The following IGF2BP3 variants were observed in gnomAD, a reference collection of about 807,000 sequenced individuals.
The protein encoded by IGF2BP3 is insulin-like growth factor 2 mRNA-binding protein 3.
Under a neutral mutation model 73.8 loss-of-function variants are expected in IGF2BP3, and 9 were observed. The observed-to-expected ratio is 0.12, with a 90% CI of 0.07 to 0.21. The LOEUF (loss-of-function observed/expected upper bound fraction) is 0.21, where lower values mean the gene tolerates loss of function less well. Ranked by LOEUF, IGF2BP3 falls within the 10% of genes least tolerant of loss-of-function variation. The probability of loss-of-function intolerance (pLI) is 1.00; values close to 1 mark genes in which losing one functional copy is unlikely to be tolerated. For synonymous variants in IGF2BP3, 258 were observed against 256.7 expected (o/e 1.01, Z -0.05); for missense variants, 542 against 714.0 (o/e 0.76, Z 2.75).
chr7:23,436,709 A>G (rs1354570884), intron 2 of IGF2BP3, among the ~76,000 whole-genome samples: 2 of 152,250 alleles, frequency 1.3e-5, no homozygotes, highest in African/African-American at 2.4e-5. Flanking sequence ...CTATACCACA[A>G]AAAAACTAGA....
At chr7:23,332,988 A>T (rs1221315973) in intron 10 of IGF2BP3, among the ~76,000 whole-genome samples, 1 of 152,212 alleles carries the variant, frequency 6.6e-6, no homozygotes, top group African/African-American at 2.4e-5. Context: ...GGTCAAACTA[A>T]ACCTAATGTG....
At chr7:23,388,079 T>C (rs982202298) in intron 3 of IGF2BP3, among the ~76,000 whole-genome samples, 4 of 152,132 alleles carry the variant, frequency 2.6e-5, no homozygotes, top group African/African-American at 9.7e-5. Flanking sequence ...TAGCTGGGAC[T>C]ACAGGTGCCC....
intron 5 of IGF2BP3, among the ~76,000 whole-genome samples, chr7:23,360,471 A>G (rs543317484): frequency 2.7e-4 from 41 of 152,344 alleles, no homozygotes; most frequent in African/African-American, 8.9e-4. Context: ...CTCCCAAGAG[A>G]TAAGGTAGTT....
rs1177841753 is a variant in IGF2BP3, at chr7:23,310,811, T to C, written c.*1551A>G. ...GTGATTTTTTTTTTAAAGGGTTATA[T>C]ATATGTCCTTTAGATCAGTGTAACA... On this transcript the variant is annotated 3_prime_UTR_variant, in exon 15 of 15. Coordinates refer to ENST00000258729, the MANE Select transcript of IGF2BP3 (RefSeq NM_006547.3). The C allele has an allele frequency of 1.3e-5, 2 of 152,126 alleles. No individual in the cohort carries two copies. Among genetic ancestry groups the C allele is most frequent in the East Asian group, 3.8e-4 (2 of 5,196 alleles). The allele number at this position is 152,126 out of a possible 1,614,324, so 9.4% of individuals were successfully genotyped here.
chr7:23,377,123 G>A (rs965465808), intron 3 of IGF2BP3, among the ~76,000 whole-genome samples: 2 of 151,896 alleles, frequency 1.3e-5, no homozygotes, highest in African/African-American at 2.4e-5. Context: ...AAAAAACTGT[G>A]CTAAAAAGAA....
intron 3 of IGF2BP3, among the ~76,000 whole-genome samples, chr7:23,401,423 C>G (rs1002606683): frequency 6.6e-6 from 1 of 152,128 alleles, no homozygotes; most frequent in Non-Finnish European, 1.5e-5. Context: ...CATTCAAACT[C>G]ACAGTACAAA....
chr7:23,423,047 T>C (rs912690269), intron 2 of IGF2BP3, among the ~76,000 whole-genome samples: 22 of 152,246 alleles, frequency 1.4e-4, no homozygotes, highest in Admixed American at 3.3e-4. Context: ...AGTGCTGGGA[T>C]TGCAGGCGTG....
chr7:23,435,659 T>C (rs1471288536), intron 2 of IGF2BP3, among the ~76,000 whole-genome samples: 1 of 152,274 alleles, frequency 6.6e-6, no homozygotes, highest in Non-Finnish European at 1.5e-5. Flanking sequence ...GGTTTCACCA[T>C]GTTGGCCAGG....
At chr7:23,369,684 T>C (rs1424287896) in intron 3 of IGF2BP3, among the ~76,000 whole-genome samples, 1 of 151,906 alleles carries the variant, frequency 6.6e-6, no homozygotes, top group Non-Finnish European at 1.5e-5. Flanking sequence ...TTCAATCTAG[T>C]AGCCTAGTTT....
chr7:23,387,508 T>G (rs1398228258), intron 3 of IGF2BP3, among the ~76,000 whole-genome samples: 1 of 149,508 alleles, frequency 6.7e-6, no homozygotes, highest in Non-Finnish European at 1.5e-5. Flanking sequence ...TTTGGTTCTT[T>G]AATTGTGACA....
intron 3 of IGF2BP3, among the ~76,000 whole-genome samples, chr7:23,395,645 G>A (rs892381209): frequency 2.0e-5 from 3 of 151,500 alleles, no homozygotes; most frequent in Non-Finnish European, 4.4e-5. Flanking sequence ...AAACCAACAG[G>A]CCAGGCACAG....
intron 2 of IGF2BP3, among the ~76,000 whole-genome samples, chr7:23,445,493 G>T (rs1007454825): frequency 1.3e-5 from 2 of 151,520 alleles, no homozygotes; most frequent in Non-Finnish European, 2.9e-5. Context: ...ATACACTATA[G>T]AGTATTACTT....
intron 2 of IGF2BP3, among the ~76,000 whole-genome samples, chr7:23,432,319 T>C (rs1787703974): frequency 6.6e-6 from 1 of 152,230 alleles, no homozygotes; most frequent in Non-Finnish European, 1.5e-5. Context: ...TGCTATGTCT[T>C]TCTTTTAGAA....
chr7:23,317,635 A>G lies in IGF2BP3; in HGVS notation c.1395+4T>C, dbSNP rs1378268314. Reference sequence around the variant, plus strand: ...GGACATAGCACATACTCTAGAGCACATACCTTGAACTGAGCCTCTGGTGGT... The same window carrying G: ...GGACATAGCACATACTCTAGAGCACGTACCTTGAACTGAGCCTCTGGTGGT... On this transcript the variant is annotated splice_donor_region_variant and intron_variant, in intron 12 of 14. Coordinates refer to ENST00000258729, the MANE Select transcript of IGF2BP3 (RefSeq NM_006547.3). 1 of 1,613,136 alleles carries G rather than the reference A, an allele frequency of 6.2e-7. No homozygotes were observed. The highest frequency in any genetic ancestry group is 2.2e-5 in the East Asian group (1 of 44,884).
intron 2 of IGF2BP3, among the ~76,000 whole-genome samples, chr7:23,422,732 C>T (rs987320130): frequency 6.6e-6 from 1 of 152,182 alleles, no homozygotes; most frequent in Non-Finnish European, 1.5e-5. Flanking sequence ...ATGGTTTTCT[C>T]GTTTCCCTTA....
intron 2 of IGF2BP3, among the ~76,000 whole-genome samples, chr7:23,423,874 C>T (rs1787422142): frequency 6.6e-6 from 1 of 152,120 alleles, no homozygotes; most frequent in South Asian, 2.1e-4. Flanking sequence ...AATCCCAGCA[C>T]TTTGGGAGGC....
chr7:23,421,566 C>T (rs1787348960), intron 2 of IGF2BP3, among the ~76,000 whole-genome samples: 1 of 150,868 alleles, frequency 6.6e-6, no homozygotes, highest in Non-Finnish European at 1.5e-5. Context: ...GTGGCACATG[C>T]CTGTAATCCC....
intron 3 of IGF2BP3, among the ~76,000 whole-genome samples, chr7:23,375,819 A>G (rs1429102012): frequency 6.6e-6 from 1 of 152,230 alleles, no homozygotes; most frequent in Non-Finnish European, 1.5e-5. Flanking sequence ...GAGAAGAGGT[A>G]GATTCCAAAG....
intron 5 of IGF2BP3, among the ~76,000 whole-genome samples, chr7:23,356,244 A>G (rs1040203098): frequency 2.0e-5 from 3 of 152,176 alleles, no homozygotes; most frequent in South Asian, 4.1e-4. Flanking sequence ...GATTAGATTC[A>G]TGGTCCCTTT....
Sources: gnomAD v4.1 joint callset for allele counts (sites outside exome capture counted in the v4.1 genomes callset) on GRCh38, gnomAD v4.1.1 for gene constraint, MANE v1.5 for transcripts, NCBI Gene and HGNC (gene_info 2026-07-23, HGNC 2026-07-21) for gene names.